PARN: variants seen among roughly 807,000 people sequenced by gnomAD.
PARN encodes poly(A)-specific ribonuclease PARN.
PARN carries 71 observed loss-of-function variants against 102.8 expected under a neutral mutation model. The observed-to-expected ratio is 0.69, with a 90% CI of 0.57 to 0.84. The LOEUF is 0.84. Among genes scored for constraint, PARN ranks in the 40% least tolerant of loss-of-function variants. PARN has a pLI of 0.00. For synonymous variants in PARN, 261 were observed against 252.9 expected, an observed-to-expected ratio of 1.03 and a Z score of -0.30; for missense variants, 782 against 760.9, an observed-to-expected ratio of 1.03 and a Z score of -0.33.
intron 23 of PARN, among the ~76,000 whole-genome samples, chr16:14,445,197 C>G (rs1961144233): frequency 6.6e-6 from 1 of 151,950 alleles, no homozygotes; most frequent in South Asian, 2.1e-4. Flanking sequence ...CAAGAGACAG[C>G]TAAAACATCC....
intron 21 of PARN, among the ~76,000 whole-genome samples, chr16:14,547,568 G>T (rs1356080606): frequency 2.0e-5 from 3 of 152,042 alleles, no homozygotes; most frequent in East Asian, 3.9e-4. Context: ...AATTAGCAGG[G>T]TGTGGTGAGT....
intron 18 of PARN, among the ~76,000 whole-genome samples, chr16:14,559,421 T>A (rs1301231680): frequency 6.6e-6 from 1 of 150,618 alleles, no homozygotes; most frequent in African/African-American, 2.4e-5. Flanking sequence ...TTTTTTTTTT[T>A]AATTTTTATG....
chr16:14,606,166 G>GGTGTTA, intron 10 of PARN, among the ~76,000 whole-genome samples: 1 of 152,054 alleles, frequency 6.6e-6, no homozygotes, highest in African/African-American at 2.4e-5. Flanking sequence ...CTGCGAGGCC[G>GGTGTTA]AGGCGGGCAA....
intron 21 of PARN, among the ~76,000 whole-genome samples, chr16:14,498,929 A>G (rs1964451099): frequency 6.6e-6 from 1 of 152,236 alleles, no homozygotes; most frequent in Admixed American, 6.5e-5. Flanking sequence ...AGTTCTGTCT[A>G]GACCCTACAC....
intron 21 of PARN, among the ~76,000 whole-genome samples, chr16:14,518,291 C>CAAAAAAAAAAAAA (rs34169116): frequency 1.9e-5 from 1 of 52,268 alleles, no homozygotes; most frequent in South Asian, 9.0e-4. Flanking sequence ...GACCCTGTCT[C>CAAAAAAAAAAAAA]AAAAAAAAAA....
At chr16:14,474,881 A>G (rs1396783635) in intron 22 of PARN, among the ~76,000 whole-genome samples, 12 of 152,354 alleles carry the variant, frequency 7.9e-5, no homozygotes, top group Admixed American at 7.2e-4. Flanking sequence ...GTCCTGGAAT[A>G]TGATCTGGTG....
intron 5 of PARN, among the ~76,000 whole-genome samples, chr16:14,626,874 C>T (rs987811472): frequency 1.3e-5 from 2 of 152,070 alleles, no homozygotes; most frequent in Non-Finnish European, 2.9e-5. Flanking sequence ...TCCCCGGCCT[C>T]CCAAAGTGCT....
chr16:14,450,209 A>G (rs931146773), intron 22 of PARN, among the ~76,000 whole-genome samples: 7 of 152,244 alleles, frequency 4.6e-5, no homozygotes, highest in Admixed American at 2.6e-4. Flanking sequence ...GCAAAGTGCA[A>G]AAGAACAACT....
In PARN at chr16:14,564,037, C is replaced by T. The variant is rs1305927288; in HGVS notation, c.1263-8328G>A. ...TCCAAGTTTAGCCACTTGCCCTTGG[C>T]CACCATGGAGGCCGACCCTAAGCTT... On this transcript the variant is annotated intron_variant, in intron 18 of 23. Coordinates refer to ENST00000437198, the MANE Select transcript of PARN (RefSeq NM_002582.4). Among the ~76,000 whole-genome samples the T allele has an allele frequency of 2.6e-5, 4 of 152,228 alleles. No individual in the cohort carries two copies. In the East Asian group the frequency reaches 5.8e-4, roughly 22 times the overall value.
chr16:14,630,102 C>T lies in PARN; in HGVS notation c.19+5G>A. ...GAGGCGGGGAGGTGTACGGCGGACACGCACTGCTCCTGATTATCTCCATTC... is the reference window on the plus strand; with the variant it reads ...GAGGCGGGGAGGTGTACGGCGGACATGCACTGCTCCTGATTATCTCCATTC... On this transcript the variant is annotated splice_donor_5th_base_variant and intron_variant, in intron 1 of 23. Coordinates refer to ENST00000437198, the MANE Select transcript of PARN (RefSeq NM_002582.4). 6.4e-7 allele frequency: 1 copy of T among 1,559,812 alleles called. No individual in the cohort carries two copies. Among genetic ancestry groups the T allele is most frequent in the Non-Finnish European group, 8.7e-7 (1 of 1,150,834 alleles).
intron 18 of PARN, among the ~76,000 whole-genome samples, chr16:14,566,500 T>C (rs1381141558): frequency 6.6e-6 from 1 of 152,222 alleles, no homozygotes; most frequent in Non-Finnish European, 1.5e-5. Context: ...TTGAAACTTC[T>C]GGCCTCCAGA....
chr16:14,507,751 T>A (rs905683923), intron 21 of PARN, among the ~76,000 whole-genome samples: 4 of 152,182 alleles, frequency 2.6e-5, no homozygotes, highest in African/African-American at 9.7e-5. Context: ...CATACGAAAT[T>A]CCTACGCCCA....
At chr16:14,545,075 C>G (rs1966873488) in intron 21 of PARN, among the ~76,000 whole-genome samples, 3 of 152,120 alleles carry the variant, frequency 2.0e-5, no homozygotes, top group Admixed American at 2.0e-4. Context: ...GCAGTCCCAG[C>G]TACTCAGGAA....
At chr16:14,600,686 T>C (rs959823076) in intron 11 of PARN, among the ~76,000 whole-genome samples, 1 of 152,074 alleles carries the variant, frequency 6.6e-6, no homozygotes, top group African/African-American at 2.4e-5. Flanking sequence ...ATCCGAGCAC[T>C]TTGGGAGGCA....
rs1363022080 is a variant in PARN, at chr16:14,435,828, G to A, written c.*889C>T. 3 of 151,748 alleles carry A rather than the reference G, an allele frequency of 2.0e-5. No individual in the cohort carries two copies. The highest frequency in any genetic ancestry group is 7.3e-5 in the African/African-American group (3 of 41,258). The allele number at this position is 151,748 out of a possible 1,614,324, so 9.4% of individuals were successfully genotyped here. ...CGGGTGGAGCAAAGCAGCGCCATGA[G>A]CGTTTGTCGTTGCTGTGATCTGTTT... On this transcript the variant is annotated 3_prime_UTR_variant, in exon 24 of 24. Transcript: ENST00000437198.
In PARN at chr16:14,571,320, G is replaced by A. The variant is rs556484975; in HGVS notation, c.1262+9554C>T. 5.3e-5 allele frequency among the ~76,000 whole-genome samples: 8 copies of A among 149,550 alleles called. No homozygotes were observed. The East Asian group carries it at 1.2e-3, about 22-fold the overall frequency. ...TGCAGTGAGCCAAGATTGCACCACTGCACTCCAGCCTGGGCTAACAGAGCA... is the reference window on the plus strand; with the variant it reads ...TGCAGTGAGCCAAGATTGCACCACTACACTCCAGCCTGGGCTAACAGAGCA... On this transcript the variant is annotated intron_variant, in intron 18 of 23. Transcript: ENST00000437198.
At chr16:14,437,923 GC>G (rs1212203554) in intron 23 of PARN, among the ~76,000 whole-genome samples, 1 of 152,158 alleles carries the variant, frequency 6.6e-6, no homozygotes, top group Non-Finnish European at 1.5e-5. Flanking sequence ...GAGAATTTCA[GC>G]TAACATGAGA....
chr16:14,601,594 T>C (rs1180491052), intron 11 of PARN, among the ~76,000 whole-genome samples: 1 of 152,188 alleles, frequency 6.6e-6, no homozygotes, highest in Non-Finnish European at 1.5e-5. Flanking sequence ...GTTAAGATGA[T>C]AAATTTTGTT....
At chr16:14,524,933 C>T (rs1015308809) in intron 21 of PARN, among the ~76,000 whole-genome samples, 1 of 152,054 alleles carries the variant, frequency 6.6e-6, no homozygotes, top group Admixed American at 6.6e-5. Context: ...TATAGTCCAA[C>T]CCAGCATATC....
Sources: allele counts gnomAD v4.1 joint callset (sites outside exome capture counted in the v4.1 genomes callset), GRCh38; gene constraint gnomAD v4.1.1; transcripts MANE v1.5; gene names NCBI Gene and HGNC (gene_info 2026-07-23, HGNC 2026-07-21).